Variants in HK1 observed in about 807,000 individuals in gnomAD.
The protein encoded by HK1 is hexokinase 1.
In HK1, 28 loss-of-function variants were observed where a neutral mutation model predicts 91.6. The ratio of observed to expected loss-of-function variants is 0.31; its 90% CI spans 0.23 to 0.42. The LOEUF (loss-of-function observed/expected upper bound fraction) is 0.42, where lower values mean the gene tolerates loss of function less well. Ranked by LOEUF, HK1 falls within the 10% of genes least tolerant of loss-of-function variation. HK1 has a pLI of 1.00. For missense variants in HK1, 770 were observed against 1,219.8 expected (o/e 0.63, Z 5.49); for synonymous variants, 430 against 468.1 (o/e 0.92, Z 1.05).
chr10:69,382,859 G>T, intron 10 of HK1, 68 bp downstream of exon 10: 9 of 1,527,890 alleles, frequency 5.9e-6, no homozygotes, highest in Non-Finnish European at 7.2e-6. Context: ...AGTGGGGGAG[G>T]TTGGATTCGC....
chr10:69,342,796 C>T (rs1333713223), intron 1 of HK1, among the ~76,000 whole-genome samples: 2 of 152,186 alleles, frequency 1.3e-5, no homozygotes, highest in South Asian at 2.1e-4. Context: ...CCTCGGTGGA[C>T]TCTACAGGGA....
Position 69,329,902 on chromosome 10 carries a change from G to T in HK1, c.63+10892G>T, listed in dbSNP as rs549246911. 7.2e-5 allele frequency among the ~76,000 whole-genome samples: 11 copies of T among 152,150 alleles called. No individual in the cohort carries two copies. In the South Asian group the frequency reaches 2.1e-3, roughly 29 times the overall value. On this transcript the variant is annotated intron_variant, in intron 1 of 17. Transcript: ENST00000359426. ...TTGATGAGCCCCTTCCACTTGGGAA[G>T]GAAATGGATCCGATAAGGTCATTAA...
chr10:69,346,358 C>G (rs1216185045), intron 2 of HK1, among the ~76,000 whole-genome samples: 1 of 152,134 alleles, frequency 6.6e-6, no homozygotes, highest in Non-Finnish European at 1.5e-5. Flanking sequence ...GGAAACAAGC[C>G]TTTCCTTTCT....
intron 16 of HK1, among the ~76,000 whole-genome samples, chr10:69,398,311 A>C (rs1589594025): frequency 6.6e-6 from 1 of 152,286 alleles, no homozygotes; most frequent in Admixed American, 6.5e-5. Flanking sequence ...CCCATTTTGC[A>C]TATCATGAGA....
chr10:69,384,957 A>C (rs779001158), intron 12 of HK1, 42 bp downstream of exon 12: 2 of 1,613,120 alleles, frequency 1.2e-6, no homozygotes, highest in African/African-American at 2.7e-5. Context: ...GGCAGCACTG[A>C]GTCCCCTGTG....
upstream of HK1, among the ~76,000 whole-genome samples, chr10:69,316,843 C>T (rs1297337462): frequency 2.0e-5 from 3 of 152,228 alleles, no homozygotes; most frequent in South Asian, 4.1e-4. Flanking sequence ...GTCCTCCATC[C>T]TCAAGGAGTT....
intron 1 of HK1, among the ~76,000 whole-genome samples, chr10:69,331,486 C>G (rs370177155): frequency 7.9e-5 from 12 of 152,340 alleles, no homozygotes; most frequent in African/African-American, 2.4e-4. Flanking sequence ...TAAAATGTAG[C>G]AAGTCTGATT....
upstream of HK1, among the ~76,000 whole-genome samples, chr10:69,311,659 C>T (rs145018281): frequency 2.2e-3 from 333 of 152,100 alleles, 1 homozygote; most frequent in African/African-American, 7.7e-3. Context: ...TTTTCTGAGA[C>T]GGAGTCTTCC....
At chr10:69,316,947 G>A (rs1442929775), upstream of HK1, among the ~76,000 whole-genome samples, 2 of 152,146 alleles carry the variant, frequency 1.3e-5, no homozygotes. Flanking sequence ...TTTGCTTAAC[G>A]GCCATGTAGG....
chr10:69,307,308 A>G lies in HK1; in HGVS notation c.27+6447A>G, dbSNP rs187857080. 1.9e-3 allele frequency among the ~76,000 whole-genome samples: 291 copies of G among 152,202 alleles called. 1 individual carries two copies. The highest frequency in any genetic ancestry group is 0.016 in the South Asian group (77 of 4,820). The stretch of plus-strand genomic sequence containing the variant: ...CCCCCGGGGGAGGGCAACTTCTTCC[A>G]TAACCCACTTATAGCCCCTCTGGCC... On this transcript the variant is annotated intron_variant, in intron 5 of 21. Coordinates refer to the HK1 transcript ENST00000360289.
upstream of HK1, chr10:69,316,107 A>C: frequency 9.7e-7 from 1 of 1,035,206 alleles, no homozygotes. Flanking sequence ...AAGGCAGGGC[A>C]AGGAAGGGAA....
chr10:69,305,888 A>AAACC (rs111756516), intron 5 of HK1, among the ~76,000 whole-genome samples: 5 of 149,786 alleles, frequency 3.3e-5, no homozygotes, highest in South Asian at 2.1e-4. Context: ...AAAACAACAA[A>AAACC]AAAAAATAAG....
At chr10:69,388,588 C>A (rs1260605892) in intron 13 of HK1, among the ~76,000 whole-genome samples, 1 of 152,210 alleles carries the variant, frequency 6.6e-6, no homozygotes, top group Non-Finnish European at 1.5e-5. Flanking sequence ...ATATATACAA[C>A]ATGACAAATT....
rs998109956 is a variant in HK1, at chr10:69,325,411, G to A, written c.63+6401G>A. ...TCTGCTCTGTTGCCCAGGCTGGAAT[G>A]CAGTGATGTGATCTCGGCTCATTGC... On this transcript the variant is annotated intron_variant, in intron 1 of 17. Coordinates refer to ENST00000359426, the MANE Select transcript of HK1 (RefSeq NM_000188.3). Among the ~76,000 whole-genome samples the A allele has an allele frequency of 2.0e-5, 3 of 151,604 alleles. No individual in the cohort carries two copies. In the Admixed American group the frequency reaches 2.0e-4, roughly 10 times the overall value.
intron 1 of HK1, among the ~76,000 whole-genome samples, chr10:69,273,962 T>A (rs1844313431): frequency 6.6e-6 from 1 of 152,224 alleles, no homozygotes; most frequent in Admixed American, 6.5e-5. Flanking sequence ...ATTTTTTCTC[T>A]TGCTTACAGG....
chr10:69,291,640 C>G (rs932453039), intron 3 of HK1, among the ~76,000 whole-genome samples: 3 of 152,194 alleles, frequency 2.0e-5, no homozygotes, highest in Non-Finnish European at 4.4e-5. Context: ...TTCTACCCAC[C>G]ATCAAGCTCA....
intron 1 of HK1, among the ~76,000 whole-genome samples, chr10:69,279,528 T>C (rs1276367604): frequency 6.6e-6 from 1 of 152,188 alleles, no homozygotes; most frequent in Non-Finnish European, 1.5e-5. Context: ...GTTAAATGAA[T>C]GTATGAATGA....
At chr10:69,304,572 C>T (rs916841586) in intron 5 of HK1, among the ~76,000 whole-genome samples, 20 of 152,116 alleles carry the variant, frequency 1.3e-4, no homozygotes, top group African/African-American at 4.3e-4. Flanking sequence ...CCTCCCAAAG[C>T]GCTAGGATTA....
chr10:69,306,083 A>G (rs7090983), intron 5 of HK1, among the ~76,000 whole-genome samples: 146,418 of 151,764 alleles, frequency 0.96, 70,856 homozygotes, highest in Non-Finnish European at 1. Flanking sequence ...GGGGCTGGGC[A>G]CGGTGGCTCA....
Sources: allele counts gnomAD v4.1 joint callset (sites outside exome capture counted in the v4.1 genomes callset), GRCh38; gene constraint gnomAD v4.1.1; transcripts MANE v1.5; gene names NCBI Gene and HGNC (gene_info 2026-07-23, HGNC 2026-07-21).